Variants in FANCA observed in about 807,000 individuals in gnomAD.
FANCA encodes Fanconi anemia group A protein.
FANCA carries 236 observed loss-of-function variants against 194.3 expected under a neutral mutation model. The observed-to-expected ratio is 1.21, with a 90% confidence interval of 1.09 to 1.35. The LOEUF (loss-of-function observed/expected upper bound fraction) is 1.35. Ranked by LOEUF, FANCA falls within the 40% of genes most tolerant of loss-of-function variation. The probability of loss-of-function intolerance (pLI) is 0.00; values close to 1 mark genes in which losing one functional copy is unlikely to be tolerated. For missense variants in FANCA, 2,628 were observed against 1,813.9 expected, an observed-to-expected ratio of 1.45 and a Z score of -8.15; for synonymous variants, 1,014 against 715.8, an observed-to-expected ratio of 1.42 and a Z score of -6.65.
intron 31 of FANCA, among the ~76,000 whole-genome samples, chr16:89,750,216 T>G (rs1431393441): frequency 6.6e-6 from 1 of 152,012 alleles, no homozygotes; most frequent in East Asian, 1.9e-4. Context: ...GCGTGGTGGC[T>G]CATGCCTGTA....
At position 89,738,108 on chromosome 16, in the gene FANCA, C is replaced by G; in HGVS notation, c.*493G>C. The G allele has an allele frequency of 6.2e-7, 1 of 1,613,952 alleles. No individual in the cohort carries two copies. Among genetic ancestry groups the G allele is most frequent in the East Asian group, 2.2e-5 (1 of 44,886 alleles). On this transcript the variant is annotated 3_prime_UTR_variant, in exon 43 of 43. Transcript: ENST00000389301. The stretch of plus-strand genomic sequence containing the variant: ...GGCGGTTTGAGAAGGCCCACAACCT[C>G]AATGTACACATGTCCATGGTGCACC...
At chr16:89,768,681 C>CAA (rs76040042) in intron 26 of FANCA, among the ~76,000 whole-genome samples, 54 of 147,994 alleles carry the variant, frequency 3.6e-4, no homozygotes, top group Admixed American at 1.0e-3. Context: ...AACCAAAAAA[C>CAA]AAAAAAAAAA....
chr16:89,786,508 G>T (rs1027979179), intron 14 of FANCA, among the ~76,000 whole-genome samples: 1 of 152,076 alleles, frequency 6.6e-6, no homozygotes, highest in South Asian at 2.1e-4. Context: ...GTAGAGATGA[G>T]GTTTTGCCAT....
chr16:89,772,090 C>T (rs545706181), intron 22 of FANCA, among the ~76,000 whole-genome samples: 1 of 152,328 alleles, frequency 6.6e-6, no homozygotes, highest in South Asian at 2.1e-4. Flanking sequence ...ACATGAACCT[C>T]CCCATCTGAA....
Position 89,787,953 on chromosome 16 carries a change from A to G in FANCA, c.1360-2989T>C, listed in dbSNP as rs1182782722. The stretch of plus-strand genomic sequence containing the variant: ...CAGTGGTCTGATCTTGGCTCACTGC[A>G]ACCTGCGCGTTCCGGGTTCAAGGAA... On this transcript the variant is annotated intron_variant, in intron 14 of 42. Transcript: ENST00000389301. 2.0e-5 allele frequency among the ~76,000 whole-genome samples: 3 copies of G among 151,724 alleles called. No homozygotes were observed. The South Asian group carries it at 6.2e-4, about 32-fold the overall frequency.
At chr16:89,807,178 G>GTTTT (rs1372752404) in intron 6 of FANCA, among the ~76,000 whole-genome samples, 7 of 147,780 alleles carry the variant, frequency 4.7e-5, no homozygotes, top group African/African-American at 1.8e-4. Flanking sequence ...TAGGAAGCAG[G>GTTTT]TTTTTCTTTT....
intron 28 of FANCA, chr16:89,762,750 C>T (rs1023317914): frequency 2.2e-6 from 1 of 453,066 alleles, no homozygotes; most frequent in Middle Eastern, 3.6e-4. Context: ...TCCCCCTCAG[C>T]CTCTCAGATG....
At chr16:89,748,477 C>G (rs2038467428) in intron 33 of FANCA, among the ~76,000 whole-genome samples, 182 bp downstream of exon 33, 1 of 152,208 alleles carries the variant, frequency 6.6e-6, no homozygotes, top group Non-Finnish European at 1.5e-5. Flanking sequence ...ATGTGCTGGT[C>G]GCCGTCCTGG....
At chr16:89,745,540 C>A (rs545986393) in intron 35 of FANCA, among the ~76,000 whole-genome samples, 1 of 117,710 alleles carries the variant, frequency 8.5e-6, no homozygotes, top group Non-Finnish European at 1.6e-5. Flanking sequence ...GAGCTGGGAA[C>A]GAAACAGTGA....
chr16:89,810,965 C>T lies in FANCA; in HGVS notation c.390G>A (p.Glu130=). The change falls in exon 4 of 43, where the codon GAG becomes GAA. Residue 130 remains glutamate, a synonymous_variant. Transcript: ENST00000389301. ...CAGTCAGCAGCACAGGGTGACTGGTCTCCGCTGGAGCCGTGCAGATCTGTC... is the reference window on the plus strand; with the variant it reads ...CAGTCAGCAGCACAGGGTGACTGGTTTCCGCTGGAGCCGTGCAGATCTGTC... ...SVGQICTAPA[E]TSHPVLLTVE... 1 of 1,614,118 alleles carries T rather than the reference C, an allele frequency of 6.2e-7. No homozygotes were observed. Among genetic ancestry groups the T allele is most frequent in the South Asian group, 1.1e-5 (1 of 91,088 alleles).
chr16:89,768,443 G>A (rs546312765), intron 26 of FANCA, among the ~76,000 whole-genome samples: 2 of 152,078 alleles, frequency 1.3e-5, no homozygotes, highest in East Asian at 1.9e-4. Context: ...ATCACTTGAG[G>A]TCAGGAGTTC....
intron 6 of FANCA, among the ~76,000 whole-genome samples, chr16:89,806,289 A>G (rs966177460): frequency 6.7e-6 from 1 of 149,594 alleles, no homozygotes; most frequent in Non-Finnish European, 1.5e-5. Context: ...ACTACTGGGT[A>G]GAGTGCTCCA....
At chr16:89,782,160 G>C (rs1449997083) in intron 17 of FANCA, among the ~76,000 whole-genome samples, 1 of 151,636 alleles carries the variant, frequency 6.6e-6, no homozygotes, top group Non-Finnish European at 1.5e-5. Context: ...CAGATCACGA[G>C]GTCAAGAGAT....
rs542685530 is a variant in FANCA, at chr16:89,765,139, G to A, written c.2602-73C>T. 1,364 of 1,546,178 alleles carry A rather than the reference G, an allele frequency of 8.8e-4. 2 individuals carry two copies. The highest frequency in any genetic ancestry group is 1.1e-3 in the Admixed American group (63 of 56,640). On this transcript the variant is annotated intron_variant, in intron 27 of 42. Transcript: ENST00000389301. ...TGTGAGTGGCTGAGCAAATGCTCAG[G>A]TGGAAACAGACCATCAACAGCCCAC...
At chr16:89,780,765 C>A (rs1482920135) in intron 17 of FANCA, among the ~76,000 whole-genome samples, 4 of 151,814 alleles carry the variant, frequency 2.6e-5, no homozygotes, top group African/African-American at 9.7e-5. Flanking sequence ...CCTATGTCTG[C>A]AAAAAATTTT....
At chr16:89,807,756 G>A (rs1016706915) in intron 6 of FANCA, among the ~76,000 whole-genome samples, 5 of 152,100 alleles carry the variant, frequency 3.3e-5, no homozygotes, top group African/African-American at 1.2e-4. Context: ...GGTGGCGGAC[G>A]CCTGTAGTCC....
chr16:89,757,734 C>T (rs1391531024), intron 30 of FANCA, among the ~76,000 whole-genome samples: 1 of 152,210 alleles, frequency 6.6e-6, no homozygotes, highest in African/African-American at 2.4e-5. Context: ...CCACATGCAA[C>T]ACCTCAGGAA....
At chr16:89,765,536 A>G (rs971551164) in intron 27 of FANCA, among the ~76,000 whole-genome samples, 6 of 152,252 alleles carry the variant, frequency 3.9e-5, no homozygotes, top group Non-Finnish European at 7.3e-5. Context: ...TTGCAGGAAC[A>G]AAACTGCCTC....
In FANCA at chr16:89,796,038, AG is replaced by A. The variant is rs2040235529; in HGVS notation, c.894-21del. On this transcript the variant is annotated intron_variant, in intron 10 of 42. Transcript: ENST00000389301. ...CCGAACCTGCCAATGCAGCAGAAAG[AG>A]GGGTCAGGAAAGGGAGGGTGCCTTG... is the stretch of plus-strand genomic sequence containing the variant. 6.3e-7 allele frequency: 1 copy of A among 1,598,002 alleles called. No homozygotes were observed. Among genetic ancestry groups the A allele is most frequent in the African/African-American group, 1.3e-5 (1 of 74,742 alleles).
Sources: allele counts gnomAD v4.1 joint callset (sites outside exome capture counted in the v4.1 genomes callset), GRCh38; gene constraint gnomAD v4.1.1; transcripts MANE v1.5; gene names NCBI Gene and HGNC (gene_info 2026-07-23, HGNC 2026-07-21).